The following F11 variants were observed in gnomAD, a reference collection of about 807,000 sequenced individuals.
F11 encodes coagulation factor XI.
In F11, 78 loss-of-function variants were observed where a neutral mutation model predicts 76.5. The ratio of observed to expected loss-of-function variants is 1.02; its 90% CI spans 0.85 to 1.23. F11 has a LOEUF of 1.23. F11 is among the 50% of genes most tolerant of loss of function. F11 has a pLI of 0.00. For missense variants in F11, 742 were observed against 771.4 expected (o/e 0.96, Z 0.45); for synonymous variants, 278 against 276.3 (o/e 1.01, Z -0.06).
At chr4:186,280,859 T>TC (rs1170665004) in intron 10 of F11, among the ~76,000 whole-genome samples, 25 of 117,456 alleles carry the variant, frequency 2.1e-4, no homozygotes, top group Middle Eastern at 9.1e-3. Flanking sequence ...TTTCTTTCTT[T>TC]TTTTTTTTTT....
intron 10 of F11, chr4:186,282,968 C>A: frequency 3.0e-6 from 3 of 985,328 alleles, no homozygotes; most frequent in Non-Finnish European, 3.6e-6. Context: ...CTTCTAGGAC[C>A]CGGCTTCTCA....
chr4:186,288,792 T>C lies in F11; in HGVS notation c.*178T>C, dbSNP rs932067496. On this transcript the variant is annotated 3_prime_UTR_variant, in exon 15 of 15. Transcript: ENST00000403665. The stretch of plus-strand genomic sequence containing the variant: ...AAGTTGTTATGTCCAAAACTCCCGT[T>C]CTATGATCGTTGTAGTTTGTTTGAG... 31 of 687,172 alleles carry C rather than the reference T, an allele frequency of 4.5e-5. No individual in the cohort carries two copies. Among genetic ancestry groups the C allele is most frequent in the Middle Eastern group, 4.0e-4 (1 of 2,496 alleles). The allele number at this position is 687,172 out of a possible 1,614,324, so 42.6% of individuals were successfully genotyped here.
chr4:186,284,521 T>C (rs1315807073), intron 11 of F11, among the ~76,000 whole-genome samples: 1 of 152,286 alleles, frequency 6.6e-6, no homozygotes, highest in South Asian at 2.1e-4. Context: ...GCCTTCATGT[T>C]ATTCCCTGCA....
At chr4:186,280,725 T>C in intron 10 of F11, 145 bp downstream of exon 10, 3 of 727,818 alleles carry the variant, frequency 4.1e-6, no homozygotes, top group Non-Finnish European at 7.3e-6. Context: ...TTTTCACTCC[T>C]GTCACTCAAG....
In F11 at chr4:186,274,387, ATTT is replaced by A. The variant is rs537797422; in HGVS notation, c.485+113_485+115del. 6.8e-3 allele frequency: 9,253 copies of A among 1,361,456 alleles called. 57 individuals carry two copies. The highest frequency in any genetic ancestry group is 8.5e-3 in the Non-Finnish European group (8,217 of 970,910). 84.3% of individuals were successfully genotyped at this position (1,361,456 alleles called of 1,614,324 possible). A position where few individuals can be genotyped will look rare whatever the true frequency, so the allele number is the denominator to read the frequency against. ...AATTTATTTTGAACCCCTAAAAGAC[ATTT>A]CTATAATAGTACTCCTAGTTTTCTT... On this transcript the variant is annotated intron_variant, in intron 5 of 14. Coordinates refer to ENST00000403665, the MANE Select transcript of F11 (RefSeq NM_000128.4).
chr4:186,270,995 T>G (rs1330497879), intron 2 of F11, among the ~76,000 whole-genome samples: 1 of 151,970 alleles, frequency 6.6e-6, no homozygotes, highest in Non-Finnish European at 1.5e-5. Context: ...CATGAGCCAC[T>G]GCGCCCACTC....
intron 1 of F11, among the ~76,000 whole-genome samples, chr4:186,266,551 A>G (rs1362994539): frequency 6.6e-6 from 1 of 152,252 alleles, no homozygotes; most frequent in Admixed American, 6.5e-5. Context: ...CAAATGCAGT[A>G]CTGAAAAATC....
chr4:186,271,868 T>A, intron 3 of F11, 97 bp downstream of exon 3: 3 of 1,311,536 alleles, frequency 2.3e-6, no homozygotes, highest in Non-Finnish European at 3.3e-6. Context: ...AATTTAACAT[T>A]AACAACTGGA....
intron 1 of F11, among the ~76,000 whole-genome samples, chr4:186,266,890 G>A (rs1461641017): frequency 6.6e-6 from 1 of 151,858 alleles, no homozygotes; most frequent in Non-Finnish European, 1.5e-5. Context: ...AGGGAGGAGG[G>A]GAGAGCGCTG....
Position 186,285,608 on chromosome 4 carries a change from A to T in F11, c.1305-30A>T. 3 of 1,610,262 alleles carry T rather than the reference A, an allele frequency of 1.9e-6. No homozygotes were observed. The African/African-American group carries it at 4.0e-5, about 21-fold the overall frequency. On this transcript the variant is annotated intron_variant, in intron 11 of 14. Transcript: ENST00000403665. The stretch of plus-strand genomic sequence containing the variant: ...CTGGGAATTATTTTTAGTAAAGGAA[A>T]TTTCTTTCCCTCTGTTGTTTGCTCC...
At chr4:186,282,421 G>A (rs905764136) in intron 10 of F11, 4 of 985,252 alleles carry the variant, frequency 4.1e-6, no homozygotes, top group Non-Finnish European at 4.8e-6. Flanking sequence ...AATGTGAAAG[G>A]GAATAGCTGC....
chr4:186,290,178 G>A (rs1025681578), downstream of F11, among the ~76,000 whole-genome samples: 1 of 152,160 alleles, frequency 6.6e-6, no homozygotes, highest in Non-Finnish European at 1.5e-5. Flanking sequence ...GATAAGAAAG[G>A]AAGAAGGACA....
Position 186,284,265 on chromosome 4 carries a change from G to A in F11, c.1304+5G>A. 1.2e-6 allele frequency: 2 copies of A among 1,609,926 alleles called. No individual in the cohort carries two copies. The highest frequency in any genetic ancestry group is 1.7e-6 in the Non-Finnish European group (2 of 1,176,436). On this transcript the variant is annotated splice_donor_5th_base_variant and intron_variant, in intron 11 of 14. Transcript: ENST00000403665. Reference sequence around the variant, plus strand: ...AGCCGCTCACTGTTTCTATGGGTCAGTACCACGGCTGTTTTTATTAGTTCA... The same window carrying A: ...AGCCGCTCACTGTTTCTATGGGTCAATACCACGGCTGTTTTTATTAGTTCA...
intron 3 of F11, 140 bp downstream of exon 3, chr4:186,271,911 C>A (rs1739997557): frequency 9.7e-7 from 1 of 1,034,754 alleles, no homozygotes; most frequent in Non-Finnish European, 1.5e-6. Flanking sequence ...AATATTGTTA[C>A]AGAAAGAAGT....
chr4:186,281,951 G>A lies in F11; in HGVS notation c.1135+1371G>A, dbSNP rs749695660. On this transcript the variant is annotated intron_variant, in intron 10 of 14. Transcript: ENST00000403665. ...CCTTCCTAGAGCTTAGAGGCGCTCC[G>A]ATGAAAATCTCTGGATGGCTCAAGA... 70 of 1,280,216 alleles carry A rather than the reference G, an allele frequency of 5.5e-5. 1 individual carries two copies. The South Asian group carries it at 6.4e-4, about 12-fold the overall frequency. 79.3% of individuals were successfully genotyped at this position (1,280,216 alleles called of 1,614,324 possible). A position where few individuals can be genotyped will look rare whatever the true frequency, so the allele number is the denominator to read the frequency against.
intron 4 of F11, among the ~76,000 whole-genome samples, chr4:186,273,664 G>A (rs1740150447): frequency 6.6e-6 from 1 of 152,118 alleles, no homozygotes; most frequent in South Asian, 2.1e-4. Context: ...TATTGCCCAG[G>A]CTGGTCTCAA....
intron 12 of F11, 109 bp downstream of exon 12, chr4:186,285,922 C>A: frequency 8.3e-7 from 1 of 1,206,018 alleles, no homozygotes; most frequent in Non-Finnish European, 1.2e-6. Flanking sequence ...GCGTTATCAT[C>A]ATGAAAGGGA....
At chr4:186,267,111 A>T in intron 1 of F11, 25 bp from the exon 2 acceptor site, 12 of 1,473,004 alleles carry the variant, frequency 8.1e-6, no homozygotes, top group Non-Finnish European at 1.1e-5. Context: ...ATGTTCTAAA[A>T]GCATGCACCT....
chr4:186,269,561 CG>C (rs1561478226), intron 2 of F11, among the ~76,000 whole-genome samples: 1 of 152,128 alleles, frequency 6.6e-6, no homozygotes, highest in African/African-American at 2.4e-5. Flanking sequence ...TTCATCAAGA[CG>C]GAAATTAGAA....
Sources: gnomAD v4.1 joint callset for allele counts (sites outside exome capture counted in the v4.1 genomes callset) on GRCh38, gnomAD v4.1.1 for gene constraint, MANE v1.5 for transcripts, NCBI Gene and HGNC (gene_info 2026-07-23, HGNC 2026-07-21) for gene names.